Variants in SEH1L observed in about 807,000 individuals in gnomAD.
The protein encoded by SEH1L is SEH1 like nucleoporin.
Under a neutral mutation model 49.5 loss-of-function variants are expected in SEH1L, and 18 were observed. The ratio of observed to expected loss-of-function variants is 0.36; its 90% confidence interval spans 0.25 to 0.54. SEH1L has a LOEUF of 0.54. Ranked by LOEUF, SEH1L falls within the 20% of genes least tolerant of loss-of-function variation. SEH1L has a pLI of 0.87. For missense variants in SEH1L, 404 were observed against 528.8 expected (o/e 0.76, Z 2.31); for synonymous variants, 169 against 178.1 (o/e 0.95, Z 0.41).
intron 5 of SEH1L, chr18:12,975,812 G>A: frequency 1.0e-6 from 1 of 985,980 alleles, no homozygotes; most frequent in Non-Finnish European, 1.2e-6. Context: ...TGTGGAATGA[G>A]GACATGCACT....
intron 1 of SEH1L, 147 bp downstream of exon 1, chr18:12,948,379 A>C: frequency 1.7e-6 from 1 of 582,904 alleles, no homozygotes; most frequent in Non-Finnish European, 2.9e-6. Flanking sequence ...ACTGAGCGGA[A>C]GCCCTCCCCG....
chr18:12,953,778 T>A (rs2030691659), intron 2 of SEH1L, among the ~76,000 whole-genome samples: 1 of 152,222 alleles, frequency 6.6e-6, no homozygotes, highest in African/African-American at 2.4e-5. Flanking sequence ...TCTAAAACAT[T>A]TTTATTATTC....
intron 5 of SEH1L, chr18:12,974,274 T>C (rs996447808): frequency 2.0e-5 from 3 of 152,096 alleles, no homozygotes; most frequent in African/African-American, 7.3e-5. Context: ...TACCTGTTTA[T>C]CTTTTTCTCT....
chr18:12,948,405 G>A (rs2145594932), intron 1 of SEH1L, 173 bp downstream of exon 1: 2 of 507,406 alleles, frequency 3.9e-6, no homozygotes, highest in East Asian at 7.1e-5. Flanking sequence ...GTATTGTGGG[G>A]TCACGGCGGC....
At position 12,982,448 on chromosome 18, in the gene SEH1L, T is replaced by C. The variant is rs544142270; in HGVS notation, c.762-70T>C. On this transcript the variant is annotated intron_variant, in intron 6 of 8. Coordinates refer to ENST00000399892, the MANE Select transcript of SEH1L (RefSeq NM_001013437.2). ...TTAGAATTTTACGTGTGTATATATATATGTGTGTGTATATATATATGTTTT... is the reference window on the plus strand; with the variant it reads ...TTAGAATTTTACGTGTGTATATATACATGTGTGTGTATATATATATGTTTT... 431 of 1,088,236 alleles carry C rather than the reference T, an allele frequency of 4.0e-4. 3 individuals are homozygous for C. In the African/African-American group the frequency reaches 6.4e-3, roughly 16 times the overall value. The allele number at this position is 1,088,236 out of a possible 1,614,324, so 67.4% of individuals were successfully genotyped here. A position where few individuals can be genotyped will look rare whatever the true frequency, so the allele number is the denominator to read the frequency against.
intron 8 of SEH1L, chr18:12,985,193 TC>T: frequency 1.3e-6 from 2 of 1,582,300 alleles, no homozygotes; most frequent in South Asian, 2.3e-5. Context: ...CTGTGTTAGA[TC>T]TGTGATGCAT....
chr18:12,969,629 A>T (rs146723981), intron 4 of SEH1L, among the ~76,000 whole-genome samples: 116 of 152,116 alleles, frequency 7.6e-4, no homozygotes, highest in African/African-American at 2.7e-3. Context: ...TGGAGGTTGC[A>T]GTAAACCAAG....
chr18:12,961,770 G>A (rs891269133), intron 3 of SEH1L, among the ~76,000 whole-genome samples: 10 of 152,024 alleles, frequency 6.6e-5, no homozygotes, highest in Non-Finnish European at 1.2e-4. Context: ...ACACTCAAGC[G>A]ATTCTCCTGC....
At chr18:12,984,798 A>G (rs2032402666) in intron 8 of SEH1L, 1 of 154,562 alleles carries the variant, frequency 6.5e-6, no homozygotes, top group African/African-American at 2.4e-5. Flanking sequence ...AATTTGTAAG[A>G]TAAAATTATT....
At chr18:12,980,322 G>A (rs1201381786) in intron 6 of SEH1L, among the ~76,000 whole-genome samples, 1 of 128,176 alleles carries the variant, frequency 7.8e-6, no homozygotes, top group African/African-American at 2.9e-5. Context: ...GGGCGGCCGG[G>A]CAGAGGCGCC....
chr18:12,959,491 A>G (rs2031068434), intron 3 of SEH1L, among the ~76,000 whole-genome samples: 1 of 152,224 alleles, frequency 6.6e-6, no homozygotes, highest in Non-Finnish European at 1.5e-5. Context: ...CCAGTTAAGC[A>G]TTCTAAATCC....
intron 1 of SEH1L, among the ~76,000 whole-genome samples, chr18:12,951,269 T>C (rs1193285928): frequency 6.6e-6 from 1 of 152,216 alleles, no homozygotes; most frequent in African/African-American, 2.4e-5. Context: ...TTTCTGTTGG[T>C]GATTTTGCTG....
At chr18:12,984,385 A>C in intron 8 of SEH1L, 195 bp downstream of exon 8, 1 of 603,884 alleles carries the variant, frequency 1.7e-6, no homozygotes, top group Non-Finnish European at 2.9e-6. Context: ...GTAGGTTATG[A>C]AGTCATTACA....
At chr18:12,959,519 T>C (rs992910080) in intron 3 of SEH1L, among the ~76,000 whole-genome samples, 2 of 152,220 alleles carry the variant, frequency 1.3e-5, no homozygotes, top group Non-Finnish European at 2.9e-5. Context: ...TGAAATTCGG[T>C]ATGCTTCAAT....
At chr18:12,977,927 C>G (rs2031993015) in intron 5 of SEH1L, 1 of 152,328 alleles carries the variant, frequency 6.6e-6, no homozygotes, top group South Asian at 2.1e-4. Context: ...CTCCTGGGCT[C>G]AAGCCATCCT....
chr18:12,984,206 G>A lies in SEH1L; in HGVS notation c.1070+16G>A. 6.2e-7 allele frequency: 1 copy of A among 1,610,196 alleles called. No homozygotes were observed. The stretch of plus-strand genomic sequence containing the variant: ...CTGCTGGCAGGTAGGCTGCTTCATG[G>A]GAAAACTGGAAATCATCTTTGTTTT... On this transcript the variant is annotated intron_variant, in intron 8 of 8. Transcript: ENST00000399892.
rs767957856 is a variant in SEH1L at position 12,978,911 on chromosome 18, T to A, written c.761+19T>A. ...CTGTGAGGTGAGTTTTAGAAGCATT[T>A]ATGAATTTGAAAATACTCTTGCCTT... On this transcript the variant is annotated intron_variant, in intron 6 of 8. Coordinates refer to ENST00000399892, the MANE Select transcript of SEH1L (RefSeq NM_001013437.2). The A allele has an allele frequency of 2.7e-5, 43 of 1,610,432 alleles. No homozygotes were observed. Among genetic ancestry groups the A allele is most frequent in the Non-Finnish European group, 3.5e-5 (41 of 1,177,804 alleles).
In SEH1L at chr18:12,978,735, A is replaced by T. The variant is rs976079000; in HGVS notation, c.621-17A>T. 6.3e-7 allele frequency: 1 copy of T among 1,596,586 alleles called. No individual in the cohort carries two copies. Among genetic ancestry groups the T allele is most frequent in the Non-Finnish European group, 8.6e-7 (1 of 1,169,414 alleles). ...ATTTTATTTCTAAAATGTTAATGTC[A>T]ATTGTTTTTCCATTAGGAAATATGC... On this transcript the variant is annotated splice_polypyrimidine_tract_variant and intron_variant, in intron 5 of 8. Coordinates refer to ENST00000399892, the MANE Select transcript of SEH1L (RefSeq NM_001013437.2).
chr18:12,984,453 A>G (rs1397773600), intron 8 of SEH1L, among the ~76,000 whole-genome samples: 2 of 152,258 alleles, frequency 1.3e-5, no homozygotes, highest in African/African-American at 2.4e-5. Flanking sequence ...TTAAGATTCA[A>G]CTTTGCTTCC....
Sources: gnomAD v4.1 joint callset for allele counts (sites outside exome capture counted in the v4.1 genomes callset) on GRCh38, gnomAD v4.1.1 for gene constraint, MANE v1.5 for transcripts, NCBI Gene and HGNC (gene_info 2026-07-23, HGNC 2026-07-21) for gene names.